The following GALNT13 variants were observed in gnomAD, a reference collection of about 807,000 sequenced individuals.
GALNT13 encodes polypeptide N-acetylgalactosaminyltransferase 13, also known as UDP-GalNAc:polypeptide N-acetylgalactosaminyltransferase 13.
In GALNT13, 28 loss-of-function variants were observed where a neutral mutation model predicts 64.2. The observed-to-expected ratio is 0.44, with a 90% confidence interval of 0.32 to 0.60. GALNT13 has a LOEUF of 0.60. Ranked by LOEUF, GALNT13 falls within the 20% of genes least tolerant of loss-of-function variation. GALNT13 has a pLI of 0.05. For synonymous variants in GALNT13, 214 were observed against 224.6 expected, an observed-to-expected ratio of 0.95 and a Z score of 0.42; for missense variants, 577 against 669.8, an observed-to-expected ratio of 0.86 and a Z score of 1.53.
the GALNT13 span, among the ~76,000 whole-genome samples, chr2:153,367,242 A>G: frequency 1.3e-4 from 20 of 152,266 alleles, no homozygotes; most frequent in South Asian, 1.2e-3. Context: ...TATCATATAT[A>G]AAAGTAAAGG....
At chr2:153,853,208 C>G in the GALNT13 span, among the ~76,000 whole-genome samples, 1 of 152,170 alleles carries the variant, frequency 6.6e-6, no homozygotes, top group Non-Finnish European at 1.5e-5. Flanking sequence ...CTGCTTTATT[C>G]TAGACATGCT....
the GALNT13 span, among the ~76,000 whole-genome samples, chr2:153,303,995 G>T: frequency 6.6e-6 from 1 of 151,742 alleles, no homozygotes; most frequent in African/African-American, 2.4e-5. Flanking sequence ...GAACCTGCCA[G>T]GTCCAACATA....
chr2:154,101,731 G>A (rs1217743659), intron 3 of GALNT13, among the ~76,000 whole-genome samples: 1 of 151,864 alleles, frequency 6.6e-6, no homozygotes, highest in African/African-American at 2.4e-5. Context: ...TTTTCTTGAG[G>A]TGTGACATTA....
chr2:154,307,675 G>C (rs575406615), intron 9 of GALNT13, among the ~76,000 whole-genome samples: 16 of 151,714 alleles, frequency 1.1e-4, no homozygotes, highest in African/African-American at 3.9e-4. Flanking sequence ...ATACTATATA[G>C]CATCAAATAC....
the GALNT13 span, among the ~76,000 whole-genome samples, chr2:153,613,536 A>G: frequency 2.6e-5 from 4 of 152,160 alleles, 1 homozygote; most frequent in Non-Finnish European, 5.9e-5. Flanking sequence ...TATTTTCTAA[A>G]GAGGCAGATT....
At chr2:154,198,112 A>G (rs1235732601) in intron 4 of GALNT13, among the ~76,000 whole-genome samples, 1 of 152,124 alleles carries the variant, frequency 6.6e-6, no homozygotes, top group South Asian at 2.1e-4. Flanking sequence ...CATTTTTAAG[A>G]AATTACCTTT....
intron 4 of GALNT13, among the ~76,000 whole-genome samples, chr2:154,192,515 C>CATAT (rs61549884): frequency 1.3e-3 from 203 of 150,414 alleles, no homozygotes; most frequent in East Asian, 2.5e-3. Context: ...GATTGAATGA[C>CATAT]ATATATATAT....
At chr2:153,593,269 G>A in the GALNT13 span, 1 of 152,300 alleles carries the variant, frequency 6.6e-6, no homozygotes, top group Non-Finnish European at 1.5e-5. Context: ...TTCGGTTTGC[G>A]GTTTGCGTGA....
the GALNT13 span, among the ~76,000 whole-genome samples, chr2:153,460,000 CAAAAG>C: frequency 6.6e-6 from 1 of 151,930 alleles, no homozygotes; most frequent in African/African-American, 2.4e-5. Flanking sequence ...AAGTGGTACT[CAAAAG>C]AAAATTTATG....
intron 2 of GALNT13, among the ~76,000 whole-genome samples, chr2:153,932,626 C>CTTTTTT (rs34617568): frequency 1.5e-4 from 14 of 95,620 alleles, no homozygotes; most frequent in African/African-American, 3.1e-4. Context: ...TTCTGTCTTT[C>CTTTTTT]TTTTTTTTTT....
At chr2:153,461,609 C>T in the GALNT13 span, among the ~76,000 whole-genome samples, 5 of 151,988 alleles carry the variant, frequency 3.3e-5, no homozygotes, top group South Asian at 4.1e-4. Context: ...AGGATCGTGC[C>T]GGAGTGGTAT....
chr2:153,228,133 A>T, the GALNT13 span, among the ~76,000 whole-genome samples: 1 of 152,202 alleles, frequency 6.6e-6, no homozygotes, highest in East Asian at 1.9e-4. Context: ...AGGAAAACAG[A>T]AGTTAAGCAT....
the GALNT13 span, among the ~76,000 whole-genome samples, chr2:153,678,817 G>A: frequency 3.3e-5 from 5 of 151,904 alleles, no homozygotes; most frequent in African/African-American, 1.2e-4. Context: ...AGTTGTCAAG[G>A]GACAGACAGG....
intron 1 of GALNT13, among the ~76,000 whole-genome samples, chr2:153,873,696 T>C (rs866121738): frequency 6.6e-6 from 1 of 152,144 alleles, no homozygotes; most frequent in African/African-American, 2.4e-5. Context: ...CATAACAACA[T>C]AGAGGTTTTA....
chr2:153,895,071 A>G (rs1471356276), intron 1 of GALNT13, among the ~76,000 whole-genome samples: 3 of 152,176 alleles, frequency 2.0e-5, no homozygotes, highest in African/African-American at 7.2e-5. Flanking sequence ...TGCTAAATCT[A>G]TGGGAATTTG....
At chr2:153,327,422 G>A in the GALNT13 span, among the ~76,000 whole-genome samples, 1 of 151,148 alleles carries the variant, frequency 6.6e-6, no homozygotes, top group African/African-American at 2.4e-5. Context: ...ATTCTTCCCA[G>A]GTACACCAGT....
At chr2:154,203,031 A>C (rs1292117160) in intron 4 of GALNT13, among the ~76,000 whole-genome samples, 1 of 152,108 alleles carries the variant, frequency 6.6e-6, no homozygotes, top group African/African-American at 2.4e-5. Context: ...GCTAACGAAA[A>C]TATACTTTTG....
At chr2:153,242,640 G>A in the GALNT13 span, among the ~76,000 whole-genome samples, 1 of 152,242 alleles carries the variant, frequency 6.6e-6, no homozygotes, top group Non-Finnish European at 1.5e-5. Flanking sequence ...GGATATCCAA[G>A]CTATATGTAT....
chr2:153,277,918 C>G, the GALNT13 span, among the ~76,000 whole-genome samples: 34 of 39,204 alleles, frequency 8.7e-4, no homozygotes, highest in African/African-American at 2.8e-3. Context: ...CTTTTGTTTT[C>G]TTTTCTTTCT....
Sources: gnomAD v4.1 joint callset for allele counts (sites outside exome capture counted in the v4.1 genomes callset) on GRCh38, gnomAD v4.1.1 for gene constraint, MANE v1.5 for transcripts, NCBI Gene and HGNC (gene_info 2026-07-23, HGNC 2026-07-21) for gene names.